DLK1: variants seen among roughly 807,000 people sequenced by gnomAD.
DLK1 encodes protein delta homolog 1.
A neutral mutation model predicts 35.2 loss-of-function variants in DLK1; 9 were observed. The observed-to-expected ratio is 0.26, with a 90% CI of 0.15 to 0.45. DLK1 has a LOEUF of 0.45. Ranked by LOEUF, DLK1 falls within the 20% of genes least tolerant of loss-of-function variation. The probability of loss-of-function intolerance (pLI) is 1.00; values close to 1 mark genes in which losing one functional copy is unlikely to be tolerated. For synonymous variants in DLK1, 231 were observed against 228.4 expected (o/e 1.01, Z -0.10); for missense variants, 522 against 528.5 (o/e 0.99, Z 0.12).
chr14:100,734,987 C>T lies in DLK1; in HGVS notation c.*91C>T. The T allele has an allele frequency of 6.8e-7, 1 of 1,476,794 alleles. No homozygotes were observed. The highest frequency in any genetic ancestry group is 2.3e-5 in the Admixed American group (1 of 42,814). The allele number at this position is 1,476,794 out of a possible 1,614,324, so 91.5% of individuals were successfully genotyped here. Reference sequence around the variant, plus strand: ...CTAATCTTTGTGGTGTTCGCTATCTCTTGTGTCAAATCTGGTGAACGCTAC... The same window carrying T: ...CTAATCTTTGTGGTGTTCGCTATCTTTTGTGTCAAATCTGGTGAACGCTAC... On this transcript the variant is annotated 3_prime_UTR_variant, in exon 5 of 5. Transcript: ENST00000341267. This position sits in a 1 kb window ranked among gnomAD's most constrained non-coding sequence, Gnocchi z 7.4.
chr14:100,732,220 G>T (rs1182053316), intron 4 of DLK1, 37 bp downstream of exon 4: 2 of 1,593,722 alleles, frequency 1.3e-6, no homozygotes, highest in Admixed American at 1.7e-5. Flanking sequence ...AATGAATGCT[G>T]CTTTTCATGC....
intron 4 of DLK1, among the ~76,000 whole-genome samples, chr14:100,733,630 C>T (rs2036533691): frequency 1.3e-5 from 2 of 152,118 alleles, no homozygotes; most frequent in South Asian, 2.1e-4. Context: ...GCATGAAGGA[C>T]GACAGCGGGT....
rs1424168364 is a variant in DLK1 at position 100,734,005 on chromosome 14, T to A, written c.405-144T>A. On this transcript the variant is annotated intron_variant, in intron 4 of 4. Coordinates refer to ENST00000341267, the MANE Select transcript of DLK1 (RefSeq NM_003836.7). The surrounding 1 kb of genome is among the most constrained non-coding windows in gnomAD (Gnocchi z 7.4). Reference sequence around the variant, plus strand: ...CTGTGCCTCCCTGGCTGGCGTTCCCTCCCTCGCTCCCTCATTCACCTGATG... The same window carrying A: ...CTGTGCCTCCCTGGCTGGCGTTCCCACCCTCGCTCCCTCATTCACCTGATG... 1 of 1,037,656 alleles carries A rather than the reference T, an allele frequency of 9.6e-7. No homozygotes were observed. Among genetic ancestry groups the A allele is most frequent in the Non-Finnish European group, 1.3e-6 (1 of 787,728 alleles). 64.3% of individuals were successfully genotyped at this position (1,037,656 alleles called of 1,614,324 possible).
intron 3 of DLK1, chr14:100,729,270 C>G: frequency 1.1e-6 from 1 of 886,472 alleles, no homozygotes; most frequent in Non-Finnish European, 1.8e-6. Context: ...TTTTGCTCTT[C>G]TCTGCGCCAT....
chr14:100,730,280 C>T (rs2036492602), intron 3 of DLK1, among the ~76,000 whole-genome samples: 1 of 152,218 alleles, frequency 6.6e-6, no homozygotes, highest in South Asian at 2.1e-4. Context: ...AGCAAAGCCA[C>T]CATTTGGGAT....
chr14:100,728,799 T>C (rs2036471553), intron 2 of DLK1, 137 bp from the exon 3 acceptor site: 1 of 1,166,696 alleles, frequency 8.6e-7, no homozygotes, highest in Non-Finnish European at 1.2e-6. Flanking sequence ...AGGTGGCTGG[T>C]GTTTACTTCC....
At position 100,737,338 on chromosome 14, in the gene DLK1, C is replaced by G. The variant is rs1366927349; in HGVS notation, c.*2442C>G. The G allele has an allele frequency of 6.6e-6, 1 of 151,546 alleles. No homozygotes were observed. Among genetic ancestry groups the G allele is most frequent in the African/African-American group, 2.4e-5 (1 of 41,218 alleles). 9.4% of individuals were successfully genotyped at this position (151,546 alleles called of 1,614,324 possible). ...CATGTGTCAGGCGGGCGTCTGGTAC[C>G]CTGCCTGGCCTCTCTCAGCGTGAGA... On this transcript the variant is annotated 3_prime_UTR_variant, in exon 5 of 5. Coordinates refer to ENST00000341267, the MANE Select transcript of DLK1 (RefSeq NM_003836.7).
Position 100,727,121 on chromosome 14 carries a change from G to A in DLK1, c.53G>A (p.Gly18Asp), listed in dbSNP as rs1445906377. The change falls in exon 1 of 5, where the codon GGC becomes GAC. Residue 18 changes from glycine (G) to aspartate (D), a missense_variant. By Grantham distance (94) the Gly-to-Asp change is moderately conservative. Transcript: ENST00000341267. Reference protein sequence around the residue: ...LRVLLLLLAFGHSTYGAECFP... With the variant: ...LRVLLLLLAFDHSTYGAECFP... ...GTCCTCTTGCTCCTGCTGGCTTTCGGCCACAGCACCTATGGTGAGTTCCCC... is the reference window on the plus strand; with the variant it reads ...GTCCTCTTGCTCCTGCTGGCTTTCGACCACAGCACCTATGGTGAGTTCCCC... 2 of 1,593,950 alleles carry A rather than the reference G, an allele frequency of 1.3e-6. No homozygotes were observed. Among genetic ancestry groups the A allele is most frequent in the Non-Finnish European group, 1.7e-6 (2 of 1,171,544 alleles).
intron 4 of DLK1, among the ~76,000 whole-genome samples, chr14:100,733,395 T>G (rs1396384882): frequency 6.6e-6 from 1 of 152,196 alleles, no homozygotes; most frequent in African/African-American, 2.4e-5. Context: ...TAAATGCTCC[T>G]TGTACTCCAC....
Position 100,735,477 on chromosome 14 carries a change from C to T in DLK1, c.*581C>T, listed in dbSNP as rs933191286. On this transcript the variant is annotated 3_prime_UTR_variant, in exon 5 of 5. Coordinates refer to ENST00000341267, the MANE Select transcript of DLK1 (RefSeq NM_003836.7). Reference sequence around the variant, plus strand: ...CAGGTTGGCTGCTGGGGGGCCGGGCCTCTGTGCCAGCCCTGCCACTAACTC... The same window carrying T: ...CAGGTTGGCTGCTGGGGGGCCGGGCTTCTGTGCCAGCCCTGCCACTAACTC... 1 of 152,324 alleles carries T rather than the reference C, an allele frequency of 6.6e-6. No homozygotes were observed. Among genetic ancestry groups the T allele is most frequent in the Non-Finnish European group, 1.5e-5 (1 of 68,146 alleles). The allele number at this position is 152,324 out of a possible 1,614,324, so 9.4% of individuals were successfully genotyped here. A position where few individuals can be genotyped will look rare whatever the true frequency, so the allele number is the denominator to read the frequency against.
chr14:100,732,026 C>A lies in DLK1; in HGVS notation c.263-16C>A. The A allele has an allele frequency of 2.5e-6, 4 of 1,603,722 alleles. No individual in the cohort carries two copies. The South Asian group carries it at 4.5e-5, about 18-fold the overall frequency. ...GGAGAGGAAGCTAAGTTCTCGTCTT[C>A]CCCGTCACCCCGCAGATGTTCGGGC... On this transcript the variant is annotated splice_polypyrimidine_tract_variant and intron_variant, in intron 3 of 4. Coordinates refer to ENST00000341267, the MANE Select transcript of DLK1 (RefSeq NM_003836.7).
chr14:100,728,579 G>T, intron 2 of DLK1, 120 bp downstream of exon 2: 1 of 688,418 alleles, frequency 1.5e-6, no homozygotes, highest in Non-Finnish European at 2.2e-6. Flanking sequence ...CAGCTTCCGG[G>T]CCCCTGCAGA....
At position 100,736,996 on chromosome 14, in the gene DLK1, C is replaced by G. The variant is rs2036580928; in HGVS notation, c.*2100C>G. The G allele has an allele frequency of 8.7e-6, 1 of 114,398 alleles. No homozygotes were observed. The highest frequency in any genetic ancestry group is 1.8e-5 in the Non-Finnish European group (1 of 54,634). The allele number at this position is 114,398 out of a possible 1,614,324, so 7.1% of individuals were successfully genotyped here. The stretch of plus-strand genomic sequence containing the variant: ...TCCCACCACCCTTCCCTTCCGATCC[C>G]CGTCATCCTTCCCCTCTGATCCCCC... On this transcript the variant is annotated 3_prime_UTR_variant, in exon 5 of 5. Coordinates refer to ENST00000341267, the MANE Select transcript of DLK1 (RefSeq NM_003836.7).
chr14:100,733,168 C>T (rs895293927), intron 4 of DLK1, among the ~76,000 whole-genome samples: 22 of 152,254 alleles, frequency 1.4e-4, no homozygotes, highest in African/African-American at 4.8e-4. Flanking sequence ...AAAAACAGAG[C>T]GAGACCTTTA....
chr14:100,729,225 G>A (rs1459571238), intron 3 of DLK1, 159 bp downstream of exon 3: 1 of 1,344,276 alleles, frequency 7.4e-7, no homozygotes, highest in Admixed American at 2.0e-5. Context: ...AATTTCCTGT[G>A]GGTACCGAAT....
chr14:100,735,326 C>T lies in DLK1; in HGVS notation c.*430C>T, dbSNP rs147566560. The T allele has an allele frequency of 1.0e-3, 165 of 157,400 alleles. No homozygotes were observed. The highest frequency in any genetic ancestry group is 3.7e-3 in the African/African-American group (155 of 41,736). 9.8% of individuals were successfully genotyped at this position (157,400 alleles called of 1,614,324 possible). A position where few individuals can be genotyped will look rare whatever the true frequency, so the allele number is the denominator to read the frequency against. On this transcript the variant is annotated 3_prime_UTR_variant, in exon 5 of 5. Coordinates refer to ENST00000341267, the MANE Select transcript of DLK1 (RefSeq NM_003836.7). ...GCAAAGAGCTACGATTGCTTTCGTT[C>T]GTTAATTCTCACACACCACATCCGA...
rs369878911 is a variant in DLK1, at chr14:100,734,921, G to A, written c.*25G>A. On this transcript the variant is annotated 3_prime_UTR_variant, in exon 5 of 5. Transcript: ENST00000341267. This position sits in a 1 kb window ranked among gnomAD's most constrained non-coding sequence, Gnocchi z 7.4. ...AGCAGCGTTCCCACAGCCCCCTCTA[G>A]ATTCTTGGAGTTCCGCAGAGCTTAC... The A allele has an allele frequency of 6.5e-7, 1 of 1,542,002 alleles. No individual in the cohort carries two copies. The highest frequency in any genetic ancestry group is 8.7e-7 in the Non-Finnish European group (1 of 1,150,030).
At chr14:100,727,564 C>G (rs1041444377) in intron 1 of DLK1, among the ~76,000 whole-genome samples, 1 of 152,106 alleles carries the variant, frequency 6.6e-6, no homozygotes, top group African/African-American at 2.4e-5. Context: ...CCAGAGAAGC[C>G]CAGCCTGAGC....
At position 100,728,615 on chromosome 14, in the gene DLK1, TGGGGGGGGCGG is replaced by T; in HGVS notation, c.131+166_131+176del. 2.3e-5 allele frequency: 4 copies of T among 175,592 alleles called. 1 individual carries two copies. Among genetic ancestry groups the T allele is most frequent in the Non-Finnish European group, 3.9e-5 (4 of 102,006 alleles). 10.9% of individuals were successfully genotyped at this position (175,592 alleles called of 1,614,324 possible). ...AAACTGGTGGGGCGAGCTGGGGAGATGGGGGGGGCGGGGGGGGGGCAGCCACAGCTCCTGTC... is the reference window on the plus strand; with the variant it reads ...AAACTGGTGGGGCGAGCTGGGGAGATGGGGGGGGCAGCCACAGCTCCTGTC... On this transcript the variant is annotated intron_variant, in intron 2 of 4. Transcript: ENST00000341267.
Sources: gnomAD v4.1 joint callset for allele counts (sites outside exome capture counted in the v4.1 genomes callset) on GRCh38, gnomAD v4.1.1 for gene constraint, Gnocchi (gnomAD v3.1) non-coding constraint, MANE v1.5 for transcripts, NCBI Gene and HGNC (gene_info 2026-07-23, HGNC 2026-07-21) for gene names.